Variants in SETD2 observed in about 807,000 individuals in gnomAD.
The protein encoded by SETD2 is histone-lysine N-methyltransferase SETD2.
Under a neutral mutation model 242.1 loss-of-function variants are expected in SETD2, and 31 were observed. The observed-to-expected ratio is 0.13, with a 90% CI of 0.10 to 0.17. SETD2 has a LOEUF of 0.17. Ranked by LOEUF, SETD2 falls within the 10% of genes least tolerant of loss-of-function variation. SETD2 has a pLI of 1.00. For synonymous variants in SETD2, 1,006 were observed against 1,066.5 expected (o/e 0.94, Z 1.11); for missense variants, 2,481 against 3,046.3 (o/e 0.81, Z 4.37).
At chr3:47,085,768 C>T (rs1459846907) in intron 11 of SETD2, among the ~76,000 whole-genome samples, 2 of 152,170 alleles carry the variant, frequency 1.3e-5, no homozygotes. Context: ...TCTTTTAAAA[C>T]ACTTATTTAA....
intron 17 of SETD2, among the ~76,000 whole-genome samples, chr3:47,038,406 G>A (rs2039119423): frequency 6.6e-6 from 1 of 152,168 alleles, no homozygotes; most frequent in African/African-American, 2.4e-5. Flanking sequence ...CTGAGGTCAG[G>A]AGTTCGAGAC....
intron 1 of SETD2, chr3:47,138,214 C>T (rs1478999642): frequency 4.5e-5 from 8 of 177,190 alleles, no homozygotes; most frequent in Non-Finnish European, 7.4e-5. Flanking sequence ...CCTCGTGATC[C>T]GCCCGCCTCA....
intron 15 of SETD2, among the ~76,000 whole-genome samples, chr3:47,047,820 G>A (rs1019388973): frequency 6.6e-6 from 1 of 152,122 alleles, no homozygotes; most frequent in Admixed American, 6.6e-5. Flanking sequence ...GCTTAACAAG[G>A]GGGGTACATT....
chr3:47,107,344 T>G (rs1270359502), intron 5 of SETD2, among the ~76,000 whole-genome samples: 1 of 152,072 alleles, frequency 6.6e-6, no homozygotes, highest in South Asian at 2.1e-4. Flanking sequence ...CTTCGCCAAC[T>G]GAAAAAAATT....
intron 1 of SETD2, among the ~76,000 whole-genome samples, chr3:47,151,127 C>A (rs985743830): frequency 6.6e-6 from 1 of 151,926 alleles, no homozygotes; most frequent in African/African-American, 2.4e-5. Context: ...AGAACATATT[C>A]TATAATATAT....
intron 1 of SETD2, among the ~76,000 whole-genome samples, chr3:47,150,028 C>T (rs1343376748): frequency 6.4e-4 from 59 of 92,418 alleles, no homozygotes; most frequent in East Asian, 2.1e-3. Flanking sequence ...TCCAAAAATA[C>T]TTTTTTTTTT....
intron 3 of SETD2, chr3:47,119,564 C>CT (rs1234183754): frequency 4.2e-6 from 1 of 239,006 alleles, no homozygotes; most frequent in African/African-American, 2.3e-5. Context: ...CACACAAGAT[C>CT]TGATGGGTTT....
At chr3:47,137,244 T>C (rs1055745795) in intron 1 of SETD2, among the ~76,000 whole-genome samples, 1 of 151,980 alleles carries the variant, frequency 6.6e-6, no homozygotes, top group Non-Finnish European at 1.5e-5. Context: ...CCAGGCTGGA[T>C]TGCAGTAGCG....
chr3:47,084,258 T>A lies in SETD2; in HGVS notation c.5522A>T (p.Asp1841Val). ...KTAVPPLSEG[D>V]GYSSENTSRA... ...CGATGTATTCTCACTAGAATACCCATCTCCTTCACTCAACGGAGGGACAGC... is the reference window on the plus strand; with the variant it reads ...CGATGTATTCTCACTAGAATACCCAACTCCTTCACTCAACGGAGGGACAGC... The change falls in exon 12 of 21, where the codon GAT (aspartate) becomes GTT (valine). Residue 1841 changes from aspartate to valine, a missense_variant. By Grantham distance (152) the Asp-to-Val change is radical (BLOSUM62 -3). This residue lies in a region of SETD2 where 203 missense variants were observed against 222.4 expected (regional missense o/e 0.91). Coordinates refer to ENST00000409792, the MANE Select transcript of SETD2 (RefSeq NM_014159.7). 1 of 1,614,090 alleles carries A rather than the reference T, an allele frequency of 6.2e-7. No individual in the cohort carries two copies. The highest frequency in any genetic ancestry group is 8.5e-7 in the Non-Finnish European group (1 of 1,179,972).
chr3:47,100,191 T>C lies in SETD2; in HGVS notation c.5015+1267A>G, dbSNP rs2042155838. 2.0e-5 allele frequency among the ~76,000 whole-genome samples: 3 copies of C among 152,030 alleles called. No individual in the cohort carries two copies. In the South Asian group the frequency reaches 6.2e-4, roughly 32 times the overall value. On this transcript the variant is annotated intron_variant, in intron 8 of 20. Transcript: ENST00000409792. ...TCTTGACCTCGTGATCTGCCCACCT[T>C]GGCCTCTCAAAGTGCTGAGATTACA...
intron 16 of SETD2, 114 bp downstream of exon 16, chr3:47,046,373 A>C: frequency 5.4e-5 from 42 of 775,330 alleles, no homozygotes; most frequent in Non-Finnish European, 6.8e-5. Context: ...AAAACAAAGA[A>C]CACGTGAAAA....
intron 4 of SETD2, among the ~76,000 whole-genome samples, chr3:47,114,371 A>G (rs940415515): frequency 6.6e-6 from 1 of 152,174 alleles, no homozygotes; most frequent in Non-Finnish European, 1.5e-5. Context: ...CTTCTACTCT[A>G]ATCACTTTTA....
At chr3:47,100,733 G>A (rs560663470) in intron 8 of SETD2, among the ~76,000 whole-genome samples, 13 of 151,924 alleles carry the variant, frequency 8.6e-5, no homozygotes, top group South Asian at 4.2e-4. Context: ...TAACCAGGCC[G>A]GGCGCAGTGG....
intron 1 of SETD2, among the ~76,000 whole-genome samples, chr3:47,130,353 A>C (rs1467906347): frequency 6.6e-6 from 1 of 152,216 alleles, no homozygotes; most frequent in Admixed American, 6.5e-5. Context: ...AGGGTCAATA[A>C]GGTGGAAGAA....
At chr3:47,100,135 G>A (rs775541080) in intron 8 of SETD2, among the ~76,000 whole-genome samples, 14 of 151,888 alleles carry the variant, frequency 9.2e-5, no homozygotes, top group Non-Finnish European at 1.5e-4. Context: ...TAGAGACGGG[G>A]TTTCACCATG....
chr3:47,029,398 T>C (rs1298500275), intron 18 of SETD2, among the ~76,000 whole-genome samples: 1 of 151,508 alleles, frequency 6.6e-6, no homozygotes, highest in African/African-American at 2.4e-5. Flanking sequence ...GCCCTGTCTT[T>C]ATCTGGTCAT....
intron 18 of SETD2, among the ~76,000 whole-genome samples, chr3:47,027,893 G>A (rs1363319898): frequency 2.6e-5 from 4 of 151,594 alleles, no homozygotes; most frequent in Non-Finnish European, 1.5e-5. Flanking sequence ...CCGGGTTCAC[G>A]CCATTCTCCT....
rs578196938 is a variant in SETD2, at chr3:47,050,956, C to G, written c.6964-4335G>C. Among the ~76,000 whole-genome samples the G allele has an allele frequency of 2.6e-5, 4 of 151,948 alleles. No homozygotes were observed. The East Asian group carries it at 7.7e-4, about 29-fold the overall frequency. On this transcript the variant is annotated intron_variant, in intron 15 of 20. Transcript: ENST00000409792. ...CCATGTTGGCCAGGCTGGTCTTGAA[C>G]TCCTGACCTCAAGTGATCCCCACAC...
intron 15 of SETD2, among the ~76,000 whole-genome samples, chr3:47,050,721 C>CTTTTTTTTT (rs1207924691): frequency 7.4e-4 from 52 of 70,370 alleles, no homozygotes; most frequent in Non-Finnish European, 1.1e-3. Context: ...CATTTCCTCT[C>CTTTTTTTTT]TCTTTTTTTT....
Sources: gnomAD v4.1 joint callset for allele counts (sites outside exome capture counted in the v4.1 genomes callset) on GRCh38, gnomAD v4.1.1 for gene constraint, gnomAD v4.1.1 regional missense constraint, MANE v1.5 for transcripts, NCBI Gene and HGNC (gene_info 2026-07-23, HGNC 2026-07-21) for gene names.